Variants in ITGBL1 observed in about 807,000 individuals in gnomAD.
ITGBL1 encodes the protein integrin beta-like protein 1.
Under a neutral mutation model 68.5 loss-of-function variants are expected in ITGBL1, and 51 were observed. The ratio of observed to expected loss-of-function variants is 0.74; its 90% CI spans 0.59 to 0.94. ITGBL1 has a LOEUF of 0.94. ITGBL1 is among the 40% of genes least tolerant of loss of function. ITGBL1 has a pLI of 0.00. For synonymous variants in ITGBL1, 209 were observed against 227.3 expected, an observed-to-expected ratio of 0.92 and a Z score of 0.72; for missense variants, 649 against 647.4, an observed-to-expected ratio of 1.00 and a Z score of -0.03.
chr13:101,662,228 A>G (rs1182098515), intron 7 of ITGBL1, among the ~76,000 whole-genome samples: 3 of 152,164 alleles, frequency 2.0e-5, no homozygotes, highest in Non-Finnish European at 4.4e-5. Context: ...TGTTACTTCA[A>G]TGAGACACTG....
At chr13:101,474,448 T>G (rs1257342712) in intron 2 of ITGBL1, among the ~76,000 whole-genome samples, 1 of 152,184 alleles carries the variant, frequency 6.6e-6, no homozygotes, top group Non-Finnish European at 1.5e-5. Flanking sequence ...CTCCACGCAC[T>G]GGCTCATGGA....
At chr13:101,666,903 G>T (rs3783219) in intron 7 of ITGBL1, among the ~76,000 whole-genome samples, 25,053 of 152,046 alleles carry the variant, frequency 0.16, 2,678 homozygotes, top group Admixed American at 0.27. Context: ...AAGGAAACTT[G>T]GTCACAGGTC....
chr13:101,464,938 A>G (rs2139630424), intron 2 of ITGBL1, among the ~76,000 whole-genome samples: 1 of 152,352 alleles, frequency 6.6e-6, no homozygotes, highest in South Asian at 2.1e-4. Flanking sequence ...GATTGATGCC[A>G]CATGTGTAAA....
chr13:101,633,665 G>C (rs540529740), intron 7 of ITGBL1, among the ~76,000 whole-genome samples: 35 of 152,144 alleles, frequency 2.3e-4, no homozygotes, highest in African/African-American at 7.0e-4. Flanking sequence ...CTGATCTTTC[G>C]GCCAAAGTAA....
intron 2 of ITGBL1, among the ~76,000 whole-genome samples, chr13:101,510,156 T>G (rs2049092424): frequency 6.6e-6 from 1 of 152,136 alleles, no homozygotes; most frequent in East Asian, 1.9e-4. Flanking sequence ...CAGTGCTCCC[T>G]TCCTCCATCC....
intron 6 of ITGBL1, among the ~76,000 whole-genome samples, chr13:101,594,489 C>G (rs9557710): frequency 6.6e-6 from 1 of 151,842 alleles, no homozygotes; most frequent in Admixed American, 6.6e-5. Context: ...CTCGAAGAAA[C>G]GTAGGAGAAA....
chr13:101,559,974 C>T (rs1439737847), intron 2 of ITGBL1, among the ~76,000 whole-genome samples: 2 of 152,212 alleles, frequency 1.3e-5, no homozygotes. Flanking sequence ...TATATTCTTC[C>T]GTTGTCCACA....
intron 7 of ITGBL1, among the ~76,000 whole-genome samples, chr13:101,611,781 T>C (rs1333483813): frequency 2.0e-5 from 3 of 152,112 alleles, no homozygotes; most frequent in Non-Finnish European, 4.4e-5. Context: ...AATTTGACAC[T>C]GTGTTCTGAC....
chr13:101,527,520 G>A (rs1423545567), intron 2 of ITGBL1, among the ~76,000 whole-genome samples: 4 of 151,990 alleles, frequency 2.6e-5, no homozygotes, highest in Non-Finnish European at 4.4e-5. Context: ...ATAAAACTAT[G>A]ATGTATATTC....
chr13:101,568,434 G>T (rs2050216713), intron 3 of ITGBL1, among the ~76,000 whole-genome samples: 1 of 152,056 alleles, frequency 6.6e-6, no homozygotes, highest in Admixed American at 6.6e-5. Context: ...GGTTTCAATG[G>T]TATTTAGCGA....
At chr13:101,663,828 A>G (rs1253282010) in intron 7 of ITGBL1, among the ~76,000 whole-genome samples, 1 of 152,182 alleles carries the variant, frequency 6.6e-6, no homozygotes, top group Non-Finnish European at 1.5e-5. Context: ...GATTGAAAAA[A>G]CAATTTAAAA....
intron 2 of ITGBL1, among the ~76,000 whole-genome samples, chr13:101,482,301 TAAAAAG>T (rs1005033228): frequency 8.0e-5 from 12 of 149,948 alleles, no homozygotes; most frequent in Non-Finnish European, 1.5e-4. Flanking sequence ...GATTGCATGT[TAAAAAG>T]AAAAACACTG....
intron 7 of ITGBL1, among the ~76,000 whole-genome samples, chr13:101,623,717 A>G (rs1183155792): frequency 6.6e-6 from 1 of 152,222 alleles, no homozygotes; most frequent in East Asian, 1.9e-4. Flanking sequence ...GCACAAATTT[A>G]AAGGGAGACT....
intron 4 of ITGBL1, among the ~76,000 whole-genome samples, chr13:101,576,200 A>G (rs1183138397): frequency 1.3e-5 from 2 of 152,184 alleles, no homozygotes; most frequent in South Asian, 4.1e-4. Context: ...GGACGTGGAT[A>G]AATTAGGTAA....
chr13:101,598,232 C>T lies in ITGBL1; in HGVS notation c.948C>T (p.Cys316=), dbSNP rs779820024. Reference sequence around the variant, plus strand: ...AGAAGTGTGAGCACCCACAGTCCTGCACGCTGTCAGCTGAGGAGAGCATCA... The same window carrying T: ...AGAAGTGTGAGCACCCACAGTCCTGTACGCTGTCAGCTGAGGAGAGCATCA... ...YGKKCEHPQS[C]TLSAEESIRK... is the part of the protein sequence containing the mutation. The change falls in exon 7 of 11, where the codon TGC becomes TGT. Residue 316 remains cysteine, a synonymous_variant. Coordinates refer to ENST00000376180, the MANE Select transcript of ITGBL1 (RefSeq NM_004791.3). 2 of 1,613,874 alleles carry T rather than the reference C, an allele frequency of 1.2e-6. No homozygotes were observed. Among genetic ancestry groups the T allele is most frequent in the Non-Finnish European group, 1.7e-6 (2 of 1,179,912 alleles).
At chr13:101,571,648 T>C (rs2050274235) in intron 3 of ITGBL1, among the ~76,000 whole-genome samples, 1 of 152,126 alleles carries the variant, frequency 6.6e-6, no homozygotes, top group Non-Finnish European at 1.5e-5. Flanking sequence ...ACTTTATTGC[T>C]CTCTTCCTTC....
rs1003408136 is a variant in ITGBL1, at chr13:101,532,775, A to G, written c.317-34924A>G. On this transcript the variant is annotated intron_variant, in intron 2 of 10. Coordinates refer to ENST00000376180, the MANE Select transcript of ITGBL1 (RefSeq NM_004791.3). ...CTCTAAATAATAGCATTTCACTGCC[A>G]TAAGGATGATTGTAATTATCAGTGG... Among the ~76,000 whole-genome samples the G allele has an allele frequency of 3.3e-5, 5 of 152,218 alleles. No individual in the cohort carries two copies. In the South Asian group the frequency reaches 1.0e-3, roughly 32 times the overall value.
chr13:101,676,378 A>T, intron 7 of ITGBL1, among the ~76,000 whole-genome samples: 1 of 152,168 alleles, frequency 6.6e-6, no homozygotes, highest in Non-Finnish European at 1.5e-5. Flanking sequence ...TTAGGAATTG[A>T]GATAATATCT....
intron 7 of ITGBL1, among the ~76,000 whole-genome samples, chr13:101,679,347 T>G (rs1471555941): frequency 6.6e-6 from 1 of 152,236 alleles, no homozygotes; most frequent in Non-Finnish European, 1.5e-5. Flanking sequence ...CAGTTGAGTG[T>G]GTTTGTTTAC....
Sources: allele counts gnomAD v4.1 joint callset (sites outside exome capture counted in the v4.1 genomes callset), GRCh38; gene constraint gnomAD v4.1.1; transcripts MANE v1.5; gene names NCBI Gene and HGNC (gene_info 2026-07-23, HGNC 2026-07-21).